The following MGAT4C variants were observed in gnomAD, a reference collection of about 807,000 sequenced individuals.
The protein encoded by MGAT4C is MGAT4 family member C, also known as alpha-1,3-mannosyl-glycoprotein 4-beta-N-acetylglucosaminyltransferase C.
Under a neutral mutation model 40.1 loss-of-function variants are expected in MGAT4C, and 19 were observed. That is an observed-to-expected ratio of 0.47 (90% confidence interval 0.33 to 0.70). The LOEUF is 0.70. MGAT4C is among the 30% of genes least tolerant of loss of function. The pLI, the probability that MGAT4C is intolerant of heterozygous loss-of-function variation, is 0.02. For synonymous variants in MGAT4C, 181 were observed against 187.1 expected (o/e 0.97, Z 0.27); for missense variants, 491 against 563.2 (o/e 0.87, Z 1.30).
chr12:86,308,099 A>T lies in MGAT4C; in HGVS notation c.-57+25966T>A, dbSNP rs1953984880. ...ATGTTGTATTATTTGTATTATTTAG[A>T]TGTACAATGTTTGATATCTAAGGAC... On this transcript the variant is annotated intron_variant, in intron 4 of 7. Coordinates refer to the MGAT4C transcript ENST00000548651. Among the ~76,000 whole-genome samples, 3 of 150,454 alleles carry T rather than the reference A, an allele frequency of 2.0e-5. No individual in the cohort carries two copies. In the South Asian group the frequency reaches 6.2e-4, roughly 31 times the overall value.
chr12:86,380,587 C>T (rs1269683430), intron 3 of MGAT4C, among the ~76,000 whole-genome samples: 2 of 152,066 alleles, frequency 1.3e-5, no homozygotes, highest in African/African-American at 2.4e-5. Flanking sequence ...AGAATGAATA[C>T]GTGAAAAATC....
chr12:86,111,686 A>G (rs1298961142), intron 1 of MGAT4C, among the ~76,000 whole-genome samples: 1 of 151,798 alleles, frequency 6.6e-6, no homozygotes, highest in Non-Finnish European at 1.5e-5. Flanking sequence ...CTTTCCTAAA[A>G]ACACTTTTTG....
At chr12:86,145,120 T>G (rs947830309) in intron 1 of MGAT4C, among the ~76,000 whole-genome samples, 31 of 152,200 alleles carry the variant, frequency 2.0e-4, no homozygotes, top group African/African-American at 7.5e-4. Context: ...GGTGTCTAAA[T>G]ATTTTAAGCA....
At chr12:86,817,579 G>A (rs1297982984) in intron 1 of MGAT4C, among the ~76,000 whole-genome samples, 1 of 151,346 alleles carries the variant, frequency 6.6e-6, no homozygotes, top group East Asian at 1.9e-4. Context: ...TTGAGAAATA[G>A]GCCTACTAGT....
At chr12:86,356,960 T>C (rs1231829222) in intron 3 of MGAT4C, among the ~76,000 whole-genome samples, 2 of 152,110 alleles carry the variant, frequency 1.3e-5, no homozygotes, top group Non-Finnish European at 1.5e-5. Context: ...GTCTGACAGC[T>C]CTGAACAGAG....
chr12:86,107,939 T>C (rs1343085368), intron 1 of MGAT4C, among the ~76,000 whole-genome samples: 1 of 152,100 alleles, frequency 6.6e-6, no homozygotes, highest in African/African-American at 2.4e-5. Flanking sequence ...TTAAATAAAT[T>C]TATTATAGGG....
chr12:86,493,699 A>T (rs1958182194), intron 2 of MGAT4C, among the ~76,000 whole-genome samples: 1 of 152,150 alleles, frequency 6.6e-6, no homozygotes, highest in South Asian at 2.1e-4. Flanking sequence ...CTAATGCTAT[A>T]TGACGAGTTA....
At chr12:86,011,948 A>G in intron 2 of MGAT4C, 5 of 748,624 alleles carry the variant, frequency 6.7e-6, no homozygotes, top group Non-Finnish European at 8.2e-6. Context: ...CTTGAGCAGG[A>G]GATCTTGGTT....
Position 86,114,549 on chromosome 12 carries a change from C to A in MGAT4C, c.-56-64826G>T, listed in dbSNP as rs77359237. Among the ~76,000 whole-genome samples, 21 of 151,776 alleles carry A rather than the reference C, an allele frequency of 1.4e-4. No homozygotes were observed. The East Asian group carries it at 4.1e-3, about 29-fold the overall frequency. On this transcript the variant is annotated intron_variant, in intron 1 of 4. Transcript: ENST00000611864. ...CAAAATGAAAAGCAATAAAAATCATCATTAATTAGGCATTTATAATTTTTT... is the reference window on the plus strand; with the variant it reads ...CAAAATGAAAAGCAATAAAAATCATAATTAATTAGGCATTTATAATTTTTT...
At chr12:86,254,142 G>C (rs780204134) in intron 1 of MGAT4C, among the ~76,000 whole-genome samples, 1 of 151,920 alleles carries the variant, frequency 6.6e-6, no homozygotes, top group South Asian at 2.1e-4. Flanking sequence ...ATGTCACCCT[G>C]TACTGGGAAG....
At chr12:86,520,615 G>A (rs1958776687) in intron 2 of MGAT4C, among the ~76,000 whole-genome samples, 1 of 152,084 alleles carries the variant, frequency 6.6e-6, no homozygotes, top group South Asian at 2.1e-4. Context: ...TAAGTGGAAT[G>A]GTAGTTCTGT....
intron 2 of MGAT4C, among the ~76,000 whole-genome samples, chr12:86,539,863 A>T (rs1423817439): frequency 6.6e-6 from 1 of 151,638 alleles, no homozygotes; most frequent in Non-Finnish European, 1.5e-5. Flanking sequence ...CTTTTTGATG[A>T]GGTTGTTTGA....
At chr12:86,764,442 G>A (rs2136157074) in intron 1 of MGAT4C, among the ~76,000 whole-genome samples, 1 of 152,122 alleles carries the variant, frequency 6.6e-6, no homozygotes, top group African/African-American at 2.4e-5. Flanking sequence ...GCAGGGCACA[G>A]ACAAACAAAA....
intron 1 of MGAT4C, among the ~76,000 whole-genome samples, chr12:86,772,705 AG>A (rs1265961641): frequency 9.2e-5 from 14 of 152,336 alleles, no homozygotes; most frequent in African/African-American, 3.4e-4. Flanking sequence ...AAAATCTGAT[AG>A]AATTTTCCCT....
At chr12:86,563,770 A>T (rs34686084) in intron 2 of MGAT4C, among the ~76,000 whole-genome samples, 8,467 of 152,268 alleles carry the variant, frequency 0.056, 310 homozygotes, top group Non-Finnish European at 0.078. Flanking sequence ...GTGGTCCTCC[A>T]GTTAAAGTAG....
rs916038551 is a variant in MGAT4C, at chr12:85,979,249, G to A, written c.*40C>T. The A allele has an allele frequency of 1.4e-6, 2 of 1,475,514 alleles. No individual in the cohort carries two copies. The highest frequency in any genetic ancestry group is 1.8e-6 in the Non-Finnish European group (2 of 1,092,580). 91.4% of individuals were successfully genotyped at this position (1,475,514 alleles called of 1,614,324 possible). A position where few individuals can be genotyped will look rare whatever the true frequency, so the allele number is the denominator to read the frequency against. On this transcript the variant is annotated 3_prime_UTR_variant, in exon 5 of 5. Coordinates refer to ENST00000611864, the MANE Select transcript of MGAT4C (RefSeq NM_001351288.2). ...ACAAAGGTAGCAAAAGACGAAGCAG[G>A]AAGAACTGCTTCAGAAACTGAACAT...
At chr12:86,423,444 T>A (rs1956868356) in intron 3 of MGAT4C, among the ~76,000 whole-genome samples, 1 of 152,018 alleles carries the variant, frequency 6.6e-6, no homozygotes, top group Non-Finnish European at 1.5e-5. Context: ...TTTTCAATTT[T>A]ACCAACAGCA....
chr12:86,097,417 TA>T, intron 1 of MGAT4C, among the ~76,000 whole-genome samples: 1 of 151,840 alleles, frequency 6.6e-6, no homozygotes, highest in East Asian at 1.9e-4. Context: ...TCCTGGATAC[TA>T]AAATAACATG....
intron 3 of MGAT4C, among the ~76,000 whole-genome samples, chr12:86,395,279 C>T (rs1029367006): frequency 6.6e-6 from 1 of 152,068 alleles, no homozygotes; most frequent in African/African-American, 2.4e-5. Context: ...TCATCCTTTG[C>T]ATTATACAGA....
Sources: gnomAD v4.1 joint callset for allele counts (sites outside exome capture counted in the v4.1 genomes callset) on GRCh38, gnomAD v4.1.1 for gene constraint, MANE v1.5 for transcripts, NCBI Gene and HGNC (gene_info 2026-07-23, HGNC 2026-07-21) for gene names.